Variants in ROBO1 observed in about 807,000 individuals in gnomAD.
ROBO1 encodes the protein roundabout guidance receptor 1.
Under a neutral mutation model 195.9 loss-of-function variants are expected in ROBO1, and 149 were observed. The ratio of observed to expected loss-of-function variants is 0.76; its 90% confidence interval spans 0.67 to 0.87. ROBO1 has a LOEUF of 0.87. Among genes scored for constraint, ROBO1 ranks in the 40% least tolerant of loss-of-function variants. ROBO1 has a pLI of 0.00. For synonymous variants in ROBO1, 816 were observed against 733.2 expected, an observed-to-expected ratio of 1.11 and a Z score of -1.82; for missense variants, 1,933 against 2,068.3, an observed-to-expected ratio of 0.93 and a Z score of 1.27.
Position 79,292,803 on chromosome 3 carries a change from T to C in ROBO1, c.89-167264A>G, listed in dbSNP as rs562517790. Among the ~76,000 whole-genome samples, 244 of 152,352 alleles carry C rather than the reference T, an allele frequency of 1.6e-3. 1 individual carries two copies. Among genetic ancestry groups the C allele is most frequent in the African/African-American group, 5.7e-3 (238 of 41,580 alleles). ...CAGTATTTTATTGAGGATTTTTGCA[T>C]TGATATTCATCCAGGATATTGGGCT... On this transcript the variant is annotated intron_variant, in intron 2 of 30. Coordinates refer to ENST00000464233, the MANE Select transcript of ROBO1 (RefSeq NM_002941.4).
At chr3:79,066,883 A>C (rs1295251778) in intron 3 of ROBO1, among the ~76,000 whole-genome samples, 1 of 151,952 alleles carries the variant, frequency 6.6e-6, no homozygotes, top group Non-Finnish European at 1.5e-5. Flanking sequence ...GAGAAGCTTT[A>C]CTCCAAAGTT....
chr3:79,666,785 T>A (rs1946487957), intron 1 of ROBO1, among the ~76,000 whole-genome samples: 1 of 151,954 alleles, frequency 6.6e-6, no homozygotes, highest in Admixed American at 6.6e-5. Flanking sequence ...GAAAATTGAC[T>A]AATACACTCA....
At chr3:79,607,864 C>T (rs964997088) in intron 1 of ROBO1, among the ~76,000 whole-genome samples, 2 of 151,930 alleles carry the variant, frequency 1.3e-5, no homozygotes, top group South Asian at 2.1e-4. Flanking sequence ...TATTTTACAG[C>T]CCTAAGGCAT....
intron 10 of ROBO1, among the ~76,000 whole-genome samples, chr3:78,680,948 G>C (rs2080887925): frequency 6.6e-6 from 1 of 150,712 alleles, no homozygotes; most frequent in Non-Finnish European, 1.5e-5. Flanking sequence ...GTCCAACAAT[G>C]ATAGACTGGA....
intron 8 of ROBO1, among the ~76,000 whole-genome samples, chr3:78,690,290 A>T (rs944343839): frequency 2.2e-4 from 33 of 151,252 alleles, no homozygotes; most frequent in Middle Eastern, 6.9e-3. Flanking sequence ...CTTTTTTTTT[A>T]AAAATTGAGG....
chr3:79,470,777 T>C (rs1938230467), intron 2 of ROBO1, among the ~76,000 whole-genome samples: 1 of 152,126 alleles, frequency 6.6e-6, no homozygotes, highest in South Asian at 2.1e-4. Flanking sequence ...ACTTTGCTCC[T>C]CATTCACCTT....
rs78947207 is a variant in ROBO1, at chr3:79,683,553, A to G, written c.-51+84199T>C. On this transcript the variant is annotated intron_variant, in intron 1 of 30. Coordinates refer to ENST00000464233, the MANE Select transcript of ROBO1 (RefSeq NM_002941.4). The stretch of plus-strand genomic sequence containing the variant: ...CTTGATCTACTTTCAAAACATGTTT[A>G]TCACTACAAACAAACAAACAAACAA... 2.4e-4 allele frequency among the ~76,000 whole-genome samples: 36 copies of G among 152,230 alleles called. 1 individual carries two copies. In the East Asian group the frequency reaches 6.8e-3, roughly 29 times the overall value.
intron 2 of ROBO1, among the ~76,000 whole-genome samples, chr3:79,190,346 G>C (rs550904496): frequency 6.6e-6 from 1 of 151,522 alleles, no homozygotes; most frequent in Non-Finnish European, 1.5e-5. Flanking sequence ...GATGTGGCTA[G>C]TATAGAGAAG....
At chr3:78,666,982 C>A (rs1254713046) in intron 14 of ROBO1, among the ~76,000 whole-genome samples, 1 of 151,912 alleles carries the variant, frequency 6.6e-6, no homozygotes, top group Non-Finnish European at 1.5e-5. Context: ...TCTAGAATTA[C>A]CTTTCTTTAC....
chr3:79,559,888 G>A (rs1349359900), intron 2 of ROBO1, among the ~76,000 whole-genome samples: 8 of 152,066 alleles, frequency 5.3e-5, no homozygotes, highest in African/African-American at 1.9e-4. Flanking sequence ...TTGCACTCCA[G>A]CCTGGGTGAG....
intron 3 of ROBO1, among the ~76,000 whole-genome samples, chr3:79,007,360 G>A (rs184095140): frequency 3.9e-5 from 6 of 152,252 alleles, no homozygotes; most frequent in Non-Finnish European, 7.4e-5. Flanking sequence ...AGAAAGTAAT[G>A]AGGAAAGAAT....
chr3:79,251,156 T>A (rs979627248), intron 2 of ROBO1, among the ~76,000 whole-genome samples: 3 of 152,212 alleles, frequency 2.0e-5, no homozygotes, highest in Non-Finnish European at 4.4e-5. Context: ...CAGAATTATA[T>A]GTATATAATT....
chr3:79,536,143 T>C (rs967662045), intron 2 of ROBO1, among the ~76,000 whole-genome samples: 1 of 152,130 alleles, frequency 6.6e-6, no homozygotes, highest in Non-Finnish European at 1.5e-5. Context: ...TTTCTGAGGA[T>C]TGCTCTGAAA....
intron 3 of ROBO1, among the ~76,000 whole-genome samples, chr3:79,016,679 C>T (rs1259128429): frequency 6.6e-6 from 1 of 152,114 alleles, no homozygotes. Flanking sequence ...ATAAAATGTT[C>T]CAACATATAC....
chr3:79,159,629 T>C lies in ROBO1; in HGVS notation c.89-34090A>G, dbSNP rs1014418933. Among the ~76,000 whole-genome samples the C allele has an allele frequency of 7.2e-5, 11 of 152,056 alleles. 1 individual carries two copies. Among genetic ancestry groups the C allele is most frequent in the Admixed American group, 5.9e-4 (9 of 15,254 alleles). On this transcript the variant is annotated intron_variant, in intron 2 of 30. Transcript: ENST00000464233. ...ATTGATTGAGTCTCCAATTGTCAAC[T>C]TGCAAATTGGCAAATTAATAGCCCT... is the stretch of plus-strand genomic sequence containing the variant.
rs1184558717 is a variant in ROBO1, at chr3:78,646,183, G to GT, written c.2846dup (p.Tyr949Ter). The stretch of plus-strand genomic sequence containing the variant: ...TGCTGACAGCTTCGCCTCCTCTCTG[G>GT]TAAGTTACTAGAATGTTACGAAAAA... ...PSFTFTPTVT[Y>*]QRGGEAVSSG... Residue 949 changes from tyrosine (Y) to a stop codon, truncating the protein, a stop_gained and frameshift_variant, in exon 21 of 31, where the codon TAC becomes TAAC. Transcript: ENST00000464233. LOFTEE classifies it high-confidence loss of function. The GT allele has an allele frequency of 6.2e-7, 1 of 1,604,152 alleles. No individual in the cohort carries two copies.
chr3:79,163,607 G>T (rs2081011871), intron 2 of ROBO1, among the ~76,000 whole-genome samples: 1 of 152,070 alleles, frequency 6.6e-6, no homozygotes, highest in African/African-American at 2.4e-5. Context: ...CTGCCATACT[G>T]TTTTTTACAG....
chr3:78,640,116 G>A (rs541332397), intron 21 of ROBO1, among the ~76,000 whole-genome samples: 6 of 152,182 alleles, frequency 3.9e-5, no homozygotes, highest in Admixed American at 2.0e-4. Context: ...TACACGGGAA[G>A]AGTTATGCAT....
chr3:79,584,789 T>C (rs1291581959), intron 2 of ROBO1, among the ~76,000 whole-genome samples: 2 of 151,314 alleles, frequency 1.3e-5, no homozygotes, highest in African/African-American at 4.9e-5. Flanking sequence ...TTTCATGGGA[T>C]CCATTAACCC....
Sources: allele counts gnomAD v4.1 joint callset (sites outside exome capture counted in the v4.1 genomes callset), GRCh38; gene constraint gnomAD v4.1.1; transcripts MANE v1.5; gene names NCBI Gene and HGNC (gene_info 2026-07-23, HGNC 2026-07-21).